The following COL13A1 variants were observed in gnomAD, a reference collection of about 807,000 sequenced individuals.
COL13A1 encodes collagen type XIII alpha 1 chain, also known as collagen alpha-1(XIII) chain.
In COL13A1, 89 loss-of-function variants were observed where a neutral mutation model predicts 130.9. The ratio of observed to expected loss-of-function variants is 0.68; its 90% CI spans 0.57 to 0.81. The LOEUF is 0.81. COL13A1 is among the 30% of genes least tolerant of loss of function. COL13A1 has a pLI of 0.00. For synonymous variants in COL13A1, 402 were observed against 341.6 expected, an observed-to-expected ratio of 1.18 and a Z score of -1.95; for missense variants, 879 against 934.6, an observed-to-expected ratio of 0.94 and a Z score of 0.78.
At chr10:69,953,062 C>A in intron 39 of COL13A1, 94 bp downstream of exon 39, 2 of 873,920 alleles carry the variant, frequency 2.3e-6, no homozygotes, top group African/African-American at 1.8e-5. Context: ...AGATGAGAAC[C>A]AAATGTCTAC....
At chr10:69,913,650 G>C (rs1268446528) in intron 17 of COL13A1, among the ~76,000 whole-genome samples, 1 of 152,160 alleles carries the variant, frequency 6.6e-6, no homozygotes, top group South Asian at 2.1e-4. Context: ...CAGCGACGAC[G>C]CTGGAGTCCT....
intron 23 of COL13A1, 79 bp from the exon 24 acceptor site, chr10:69,923,723 G>A (rs749701726): frequency 2.6e-4 from 400 of 1,536,224 alleles, no homozygotes; most frequent in Non-Finnish European, 3.3e-4. Flanking sequence ...AGGCATGAGC[G>A]GCAAGACCAT....
intron 17 of COL13A1, among the ~76,000 whole-genome samples, chr10:69,913,642 G>GCGACGA (rs1391105584): frequency 1.3e-5 from 2 of 152,158 alleles, no homozygotes; most frequent in African/African-American, 2.4e-5. Flanking sequence ...CCCAGCCACA[G>GCGACGA]CGACGACGCT....
chr10:69,937,091 G>C (rs527475682), intron 33 of COL13A1, among the ~76,000 whole-genome samples: 1 of 152,320 alleles, frequency 6.6e-6, no homozygotes, highest in South Asian at 2.1e-4. Context: ...AGAGGTGGGA[G>C]AGAGACAGCA....
chr10:69,892,929 C>A (rs1028198266), intron 10 of COL13A1, among the ~76,000 whole-genome samples: 8 of 152,196 alleles, frequency 5.3e-5, no homozygotes, highest in Middle Eastern at 3.2e-3. Context: ...TCTCTGCAGT[C>A]CTGAAACTCC....
At chr10:69,911,946 A>T (rs1207376524) in intron 17 of COL13A1, among the ~76,000 whole-genome samples, 1 of 152,238 alleles carries the variant, frequency 6.6e-6, no homozygotes, top group East Asian at 1.9e-4. Context: ...TGAGTAGCCC[A>T]TGCGGTTCCC....
In COL13A1 at chr10:69,952,957, C is replaced by G. The variant is rs764392321; in HGVS notation, c.2134C>G (p.Pro712Ala). The G allele has an allele frequency of 1.3e-6, 2 of 1,542,584 alleles. No homozygotes were observed. The highest frequency in any genetic ancestry group is 1.7e-6 in the Non-Finnish European group (2 of 1,151,664). The change falls in exon 39 of 41, where the codon CCC (proline) becomes GCC (alanine). Residue 712 changes from proline to alanine, a missense_variant. Pro to Ala is a conservative substitution (Grantham distance 27). This residue lies in a region of COL13A1 where 68 missense variants were observed against 65.8 expected (regional missense o/e 1.03). Coordinates refer to ENST00000645393, the MANE Select transcript of COL13A1 (RefSeq NM_001368882.1). Reference protein sequence around the residue: ...GDQGAPGLDAPCPLGEDGLPV... With the variant: ...GDQGAPGLDAACPLGEDGLPV... ...CCAAGGAGCGCCTGGATTAGATGCC[C>G]CCTGCCCATTGGTATGTTTTTGTTT... is the stretch of plus-strand genomic sequence containing the variant.
In COL13A1 at chr10:69,935,400, G is replaced by A; in HGVS notation, c.1770+9G>A. 1 of 1,553,234 alleles carries A rather than the reference G, an allele frequency of 6.4e-7. No homozygotes were observed. On this transcript the variant is annotated intron_variant, in intron 32 of 40. Coordinates refer to ENST00000645393, the MANE Select transcript of COL13A1 (RefSeq NM_001368882.1). ...GGCCTCCCGGACCTCCGGTAAGTTTGGAGGGCTTGTCAGTGGCCAGTCCAC... is the reference window on the plus strand; with the variant it reads ...GGCCTCCCGGACCTCCGGTAAGTTTAGAGGGCTTGTCAGTGGCCAGTCCAC...
At position 69,913,521 on chromosome 10, in the gene COL13A1, C is replaced by T. The variant is rs560109865; in HGVS notation, c.922-3768C>T. 6.6e-5 allele frequency among the ~76,000 whole-genome samples: 10 copies of T among 152,282 alleles called. 1 individual carries two copies. In the South Asian group the frequency reaches 2.1e-3, roughly 32 times the overall value. ...AAGAAGGAGCCCTTAGACAGGCTCA[C>T]ACAAAGACATGCCCCAAGGAACAGT... On this transcript the variant is annotated intron_variant, in intron 17 of 40. Transcript: ENST00000645393.
chr10:69,822,284 G>C, intron 1 of COL13A1, 85 bp from the exon 2 acceptor site: 1 of 1,043,656 alleles, frequency 9.6e-7, no homozygotes, highest in Non-Finnish European at 1.3e-6. Context: ...CCCTCTTCCT[G>C]CCCTCCTCGT....
intron 1 of COL13A1, among the ~76,000 whole-genome samples, chr10:69,812,886 T>G (rs1478520969): frequency 6.6e-6 from 1 of 152,174 alleles, no homozygotes; most frequent in East Asian, 1.9e-4. Flanking sequence ...CAGCTTCAGA[T>G]CTTGGCTCAT....
At chr10:69,924,867 T>C in intron 24 of COL13A1, 96 bp from the exon 25 acceptor site, 2 of 1,255,548 alleles carry the variant, frequency 1.6e-6, no homozygotes, top group Non-Finnish European at 2.1e-6. Flanking sequence ...AGAGCTAAGA[T>C]GAGCCTCCTG....
chr10:69,897,912 C>T (rs911021677), intron 13 of COL13A1, among the ~76,000 whole-genome samples: 6 of 152,214 alleles, frequency 3.9e-5, no homozygotes, highest in Non-Finnish European at 8.8e-5. Context: ...CAACAATTTC[C>T]AGAAATGAAA....
intron 2 of COL13A1, among the ~76,000 whole-genome samples, chr10:69,830,648 G>A (rs1848604447): frequency 6.6e-6 from 1 of 152,150 alleles, no homozygotes; most frequent in Non-Finnish European, 1.5e-5. Flanking sequence ...TAGAGACTGG[G>A]GTGCTTAGGG....
chr10:69,861,605 A>G (rs1183075768), intron 2 of COL13A1, among the ~76,000 whole-genome samples: 1 of 152,140 alleles, frequency 6.6e-6, no homozygotes, highest in Admixed American at 6.5e-5. Context: ...GATTAGTTAG[A>G]AAAGGGTCCT....
intron 9 of COL13A1, among the ~76,000 whole-genome samples, 185 bp from the exon 10 acceptor site, chr10:69,889,229 T>C (rs1405533006): frequency 1.3e-5 from 2 of 151,980 alleles, no homozygotes; most frequent in Non-Finnish European, 2.9e-5. Context: ...AGTGAGCAAA[T>C]GACCTTGCCT....
intron 2 of COL13A1, among the ~76,000 whole-genome samples, chr10:69,856,043 G>T (rs938326533): frequency 1.6e-4 from 25 of 152,350 alleles, no homozygotes; most frequent in Middle Eastern, 3.4e-3. Flanking sequence ...AATTGGAGCA[G>T]TTCAGGCCTG....
intron 4 of COL13A1, 149 bp downstream of exon 4, chr10:69,872,359 G>A (rs149988055): frequency 1.1e-6 from 1 of 872,252 alleles, no homozygotes; most frequent in African/African-American, 1.7e-5. Flanking sequence ...AGCTTAGGGT[G>A]AAGTCACCTC....
intron 7 of COL13A1, among the ~76,000 whole-genome samples, chr10:69,883,410 C>T (rs2060325765): frequency 6.6e-6 from 1 of 152,220 alleles, no homozygotes. Flanking sequence ...GGAGCCACCC[C>T]ACACCAGGTA....
Sources: allele counts gnomAD v4.1 joint callset (sites outside exome capture counted in the v4.1 genomes callset), GRCh38; gene constraint gnomAD v4.1.1; regional missense constraint gnomAD v4.1.1; transcripts MANE v1.5; gene names NCBI Gene and HGNC (gene_info 2026-07-23, HGNC 2026-07-21).